Variants in IVNS1ABP observed in about 807,000 individuals in gnomAD.
IVNS1ABP encodes influenza virus NS1A-binding protein.
A neutral mutation model predicts 78.9 loss-of-function variants in IVNS1ABP; 25 were observed. The ratio of observed to expected loss-of-function variants is 0.32; its 90% confidence interval spans 0.23 to 0.44. The LOEUF (loss-of-function observed/expected upper bound fraction) is 0.44. Among genes scored for constraint, IVNS1ABP ranks in the 20% least tolerant of loss-of-function variants. The pLI is 1.00. For missense variants in IVNS1ABP, 494 were observed against 768.9 expected, an observed-to-expected ratio of 0.64 and a Z score of 4.23; for synonymous variants, 241 against 259.7, an observed-to-expected ratio of 0.93 and a Z score of 0.69.
At position 185,300,967 on chromosome 1, in the gene IVNS1ABP, C is replaced by G. The variant is rs919127690; in HGVS notation, c.1120+5G>C. ...GCTTAGCCAGTTGAATGCTTCTGTTCTTACCTGCAGCTATGAGTTTGCCAT... is the reference window on the plus strand; with the variant it reads ...GCTTAGCCAGTTGAATGCTTCTGTTGTTACCTGCAGCTATGAGTTTGCCAT... On this transcript the variant is annotated splice_donor_5th_base_variant and intron_variant, in intron 10 of 14. Transcript: ENST00000367498. 3 of 1,611,740 alleles carry G rather than the reference C, an allele frequency of 1.9e-6. No homozygotes were observed. Among genetic ancestry groups the G allele is most frequent in the Non-Finnish European group, 2.5e-6 (3 of 1,178,408 alleles).
intron 6 of IVNS1ABP, 25 bp downstream of exon 6, chr1:185,307,464 T>C: frequency 6.4e-7 from 1 of 1,565,578 alleles, no homozygotes; most frequent in South Asian, 1.1e-5. Flanking sequence ...ATAGTATATA[T>C]CTGTTTATAG....
intron 1 of IVNS1ABP, among the ~76,000 whole-genome samples, chr1:185,315,411 T>C (rs1189820758): frequency 6.6e-6 from 1 of 152,126 alleles, no homozygotes; most frequent in Non-Finnish European, 1.5e-5. Flanking sequence ...AACTACAAAT[T>C]AAGACAATGG....
At chr1:185,307,188 C>T (rs1414907659) in intron 6 of IVNS1ABP, 49 bp from the exon 7 acceptor site, 1 of 1,597,000 alleles carries the variant, frequency 6.3e-7, no homozygotes, top group East Asian at 2.2e-5. Flanking sequence ...GCTCCTAGTT[C>T]TCAGCTTAAT....
chr1:185,300,151 G>T (rs762252164), intron 12 of IVNS1ABP, 21 bp from the exon 13 acceptor site: 2 of 1,606,188 alleles, frequency 1.2e-6, no homozygotes, highest in African/African-American at 2.7e-5. Context: ...ATAAAATAAA[G>T]TTACATATTG....
intron 1 of IVNS1ABP, 75 bp downstream of exon 1, chr1:185,316,878 G>C (rs1666048081): frequency 2.5e-6 from 1 of 396,952 alleles, no homozygotes; most frequent in Non-Finnish European, 4.4e-6. Flanking sequence ...CCCATCCGCC[G>C]GCGCCATCCC....
intron 12 of IVNS1ABP, 40 bp downstream of exon 12, chr1:185,300,177 T>C (rs1325793170): frequency 2.5e-6 from 4 of 1,604,268 alleles, no homozygotes; most frequent in Non-Finnish European, 2.6e-6. Context: ...TTAATTATCA[T>C]ATTTAAATAC....
rs1481344352 is a variant in IVNS1ABP at position 185,300,966 on chromosome 1, T to C, written c.1120+6A>G. 4 of 1,611,850 alleles carry C rather than the reference T, an allele frequency of 2.5e-6. No individual in the cohort carries two copies. The South Asian group carries it at 4.4e-5, about 18-fold the overall frequency. The stretch of plus-strand genomic sequence containing the variant: ...TGCTTAGCCAGTTGAATGCTTCTGT[T>C]CTTACCTGCAGCTATGAGTTTGCCA... On this transcript the variant is annotated splice_donor_region_variant and intron_variant, in intron 10 of 14. Transcript: ENST00000367498.
At position 185,309,160 on chromosome 1, in the gene IVNS1ABP, C is replaced by T; in HGVS notation, c.124G>A (p.Glu42Lys). The T allele has an allele frequency of 6.3e-7, 1 of 1,589,458 alleles. No homozygotes were observed. The highest frequency in any genetic ancestry group is 8.5e-7 in the Non-Finnish European group (1 of 1,171,802). The change falls in exon 4 of 15, where the codon GAA becomes AAA. Residue 42 changes from glutamate (E) to lysine (K), a missense_variant. Transcript: ENST00000367498. ...AGCACTGCTCTGTGTGCTAACATTT[C>T]ATGGCCACAGACCTGAAATTATGAA... ...CDVRLQVCGHEMLAHRAVLAC... is the reference protein window; with the variant it reads ...CDVRLQVCGHKMLAHRAVLAC...
At position 185,300,982 on chromosome 1, in the gene IVNS1ABP, G is replaced by A; in HGVS notation, c.1110C>T (p.Leu370=). The A allele has an allele frequency of 1.2e-6, 2 of 1,613,152 alleles. No individual in the cohort carries two copies. The highest frequency in any genetic ancestry group is 1.7e-6 in the Non-Finnish European group (2 of 1,179,372). Reference sequence around the variant, plus strand: ...TGCTTCTGTTCTTACCTGCAGCTATGAGTTTGCCATTCATCTCTGCTGTTC... The same window carrying A: ...TGCTTCTGTTCTTACCTGCAGCTATAAGTTTGCCATTCATCTCTGCTGTTC... ...GLGTAEMNGK[L]IAAGGYNREE... The change falls in exon 10 of 15, where the codon CTC becomes CTT. Residue 370 remains leucine (L), a synonymous_variant. Transcript: ENST00000367498.
In IVNS1ABP at chr1:185,307,073, T is replaced by C; in HGVS notation, c.598A>G (p.Asn200Asp). 1 of 1,613,548 alleles carries C rather than the reference T, an allele frequency of 6.2e-7. No homozygotes were observed. Among genetic ancestry groups the C allele is most frequent in the Non-Finnish European group, 8.5e-7 (1 of 1,179,546 alleles). Residue 200 changes from asparagine (N) to aspartate (D), a missense_variant, in exon 7 of 15, where the codon AAC (asparagine) becomes GAC (aspartate). Asn to Asp is a conservative substitution (Grantham distance 23). Transcript: ENST00000367498. ...SNGKLYTKVI[N>D]WVQRSIWENG... ...TCCCAGATGCTACGCTGCACCCAGTTGATTACCTTTGTATATAATTTGCCA... is the reference window on the plus strand; with the variant it reads ...TCCCAGATGCTACGCTGCACCCAGTCGATTACCTTTGTATATAATTTGCCA...
At chr1:185,303,402 C>A (rs1315108267) in intron 8 of IVNS1ABP, among the ~76,000 whole-genome samples, 1 of 152,072 alleles carries the variant, frequency 6.6e-6, no homozygotes, top group Non-Finnish European at 1.5e-5. Flanking sequence ...TGATTAGATT[C>A]TTATTGTCCT....
chr1:185,306,781 A>G (rs866447203), intron 7 of IVNS1ABP: 1 of 665,588 alleles, frequency 1.5e-6, no homozygotes. Flanking sequence ...TACTTTAAAG[A>G]AAGTTAACAG....
chr1:185,312,076 C>T (rs1665904277), intron 1 of IVNS1ABP, among the ~76,000 whole-genome samples: 2 of 152,200 alleles, frequency 1.3e-5, no homozygotes, highest in South Asian at 4.1e-4. Flanking sequence ...CAGGACTAGC[C>T]TAAAAACTTG....
rs1013460312 is a variant in IVNS1ABP, at chr1:185,301,708, T to C, written c.766-145A>G. On this transcript the variant is annotated intron_variant, in intron 8 of 14. Coordinates refer to ENST00000367498, the MANE Select transcript of IVNS1ABP (RefSeq NM_006469.5). Reference sequence around the variant, plus strand: ...CTAACTTTAACTCAAGCCAACACTTTCCAAATGACACAAATTACTGGCATA... The same window carrying C: ...CTAACTTTAACTCAAGCCAACACTTCCCAAATGACACAAATTACTGGCATA... 1.0e-5 allele frequency: 8 copies of C among 776,416 alleles called. No homozygotes were observed. In the South Asian group the frequency reaches 1.0e-4, roughly 10 times the overall value. The allele number at this position is 776,416 out of a possible 1,614,324, so 48.1% of individuals were successfully genotyped here. A position where few individuals can be genotyped will look rare whatever the true frequency, so the allele number is the denominator to read the frequency against.
In IVNS1ABP at chr1:185,297,030, T is replaced by C. The variant is rs1397054622; in HGVS notation, c.*1005A>G. On this transcript the variant is annotated 3_prime_UTR_variant, in exon 15 of 15. Transcript: ENST00000367498. ...GACACCAAGTCATCCCAACCAATAT[T>C]TATCCATATGAACAGATAAACTGAA... The C allele has an allele frequency of 6.6e-6, 1 of 152,140 alleles. No homozygotes were observed. The highest frequency in any genetic ancestry group is 1.5e-5 in the Non-Finnish European group (1 of 68,006). 9.4% of individuals were successfully genotyped at this position (152,140 alleles called of 1,614,324 possible). A position where few individuals can be genotyped will look rare whatever the true frequency, so the allele number is the denominator to read the frequency against.
In IVNS1ABP at chr1:185,297,954, C is replaced by A; in HGVS notation, c.*81G>T. ...GCTGTTAGCAACATCTATACCCACCCACCCTCTTTATTCACAAGTGTACCT... is the reference window on the plus strand; with the variant it reads ...GCTGTTAGCAACATCTATACCCACCAACCCTCTTTATTCACAAGTGTACCT... On this transcript the variant is annotated 3_prime_UTR_variant, in exon 15 of 15. Transcript: ENST00000367498. 1 of 1,382,074 alleles carries A rather than the reference C, an allele frequency of 7.2e-7. No individual in the cohort carries two copies. The highest frequency in any genetic ancestry group is 1.0e-6 in the Non-Finnish European group (1 of 997,962). The allele number at this position is 1,382,074 out of a possible 1,614,324, so 85.6% of individuals were successfully genotyped here. A position where few individuals can be genotyped will look rare whatever the true frequency, so the allele number is the denominator to read the frequency against.
chr1:185,306,303 G>GA (rs2102818361), intron 7 of IVNS1ABP: 1 of 323,054 alleles, frequency 3.1e-6, no homozygotes, highest in East Asian at 1.2e-4. Context: ...AGTGGAGAGA[G>GA]AAACTCAAGG....
Position 185,309,051 on chromosome 1 carries a change from A to G in IVNS1ABP, c.233T>C (p.Leu78Pro). ...CAAGACTTCAACAGCTTCTGGATTG[A>G]GATCATCAAATTTAACGTGAGAAAT... ...HGISHVKFDD[L>P]NPEAVEVLLN... Residue 78 changes from leucine (L) to proline (P), a missense_variant, in exon 4 of 15, where the codon CTC (leucine) becomes CCC (proline). Physicochemically the swap from Leu to Pro is moderately conservative, Grantham distance 98 (BLOSUM62 -3). Transcript: ENST00000367498. The G allele has an allele frequency of 6.2e-7, 1 of 1,613,062 alleles. No individual in the cohort carries two copies. The highest frequency in any genetic ancestry group is 8.5e-7 in the Non-Finnish European group (1 of 1,179,498).
At position 185,317,213 on chromosome 1, in the gene IVNS1ABP, G is replaced by T. The variant is rs1666063852; in HGVS notation, c.-507C>A. On this transcript the variant is annotated 5_prime_UTR_variant, in exon 1 of 15. Coordinates refer to ENST00000367498, the MANE Select transcript of IVNS1ABP (RefSeq NM_006469.5). ...GAAACTGCGCCCAGCAGCTCTGAGC[G>T]ACCGACCTCCACGCGCGACCGGGAG... 2.5e-6 allele frequency: 1 copy of T among 398,258 alleles called. No individual in the cohort carries two copies. Among genetic ancestry groups the T allele is most frequent in the Non-Finnish European group, 4.4e-6 (1 of 225,952 alleles). The allele number at this position is 398,258 out of a possible 1,614,324, so 24.7% of individuals were successfully genotyped here. A position where few individuals can be genotyped will look rare whatever the true frequency, so the allele number is the denominator to read the frequency against.
Sources: gnomAD v4.1 joint callset for allele counts (sites outside exome capture counted in the v4.1 genomes callset) on GRCh38, gnomAD v4.1.1 for gene constraint, MANE v1.5 for transcripts, NCBI Gene and HGNC (gene_info 2026-07-23, HGNC 2026-07-21) for gene names.